The following UBE2D2 variants were observed in gnomAD, a reference collection of about 807,000 sequenced individuals.
UBE2D2 encodes ubiquitin conjugating enzyme E2 D2.
In UBE2D2, 2 loss-of-function variants were observed where a neutral mutation model predicts 24.2. That is an observed-to-expected ratio of 0.08 (90% CI 0.03 to 0.26). The LOEUF (loss-of-function observed/expected upper bound fraction) is 0.26. UBE2D2 is among the 10% of genes least tolerant of loss of function. UBE2D2 has a pLI of 1.00. For synonymous variants in UBE2D2, 58 were observed against 56.5 expected (o/e 1.03, Z -0.12); for missense variants, 44 against 177.6 (o/e 0.25, Z 4.28).
chr5:139,562,122 T>C (rs1004139840), intron 1 of UBE2D2: 2 of 1,110,018 alleles, frequency 1.8e-6, no homozygotes, highest in Non-Finnish European at 2.5e-6. Context: ...TGAGGGCCAT[T>C]GTCGGGCCAG....
intron 1 of UBE2D2, among the ~76,000 whole-genome samples, chr5:139,573,012 C>A (rs143060837): frequency 6.6e-5 from 10 of 151,972 alleles, no homozygotes; most frequent in Middle Eastern, 3.4e-3. Flanking sequence ...TAAGAATTAT[C>A]AAGATGAGGC....
chr5:139,604,764 C>G (rs1037349176), intron 2 of UBE2D2, among the ~76,000 whole-genome samples: 3 of 151,982 alleles, frequency 2.0e-5, no homozygotes, highest in African/African-American at 7.3e-5. Flanking sequence ...GCTGTAGTCC[C>G]ACCTACTCAC....
intron 1 of UBE2D2, 43 bp downstream of exon 1, chr5:139,561,858 G>C: frequency 6.9e-7 from 1 of 1,458,682 alleles, no homozygotes; most frequent in Non-Finnish European, 9.0e-7. Flanking sequence ...CAGCTGAGCA[G>C]GCTGCGGCCT....
intron 1 of UBE2D2, among the ~76,000 whole-genome samples, chr5:139,573,112 T>G (rs976485709): frequency 4.0e-5 from 6 of 151,866 alleles, no homozygotes; most frequent in African/African-American, 1.2e-4. Context: ...CCATCCTGGC[T>G]AACATGGTGA....
chr5:139,550,031 CCT>C (rs1388190200), intron 1 of UBE2D2, among the ~76,000 whole-genome samples: 1 of 149,544 alleles, frequency 6.7e-6, no homozygotes, highest in Non-Finnish European at 1.5e-5. Flanking sequence ...TAATCAGCAC[CCT>C]GTGTCTAGCT....
chr5:139,556,769 T>G (rs914843177), upstream of UBE2D2, among the ~76,000 whole-genome samples: 23 of 151,462 alleles, frequency 1.5e-4, no homozygotes, highest in Non-Finnish European at 3.2e-4. Flanking sequence ...AATGAACAAA[T>G]TCCTTGAAAA....
At chr5:139,570,170 G>C (rs1421597826) in intron 1 of UBE2D2, among the ~76,000 whole-genome samples, 3 of 152,150 alleles carry the variant, frequency 2.0e-5, no homozygotes, top group Non-Finnish European at 2.9e-5. Flanking sequence ...AGGAGGCTGA[G>C]ACAGGAGGAT....
intron 1 of UBE2D2, among the ~76,000 whole-genome samples, chr5:139,552,202 G>A (rs1487028096): frequency 1.4e-5 from 2 of 138,028 alleles, no homozygotes; most frequent in African/African-American, 5.5e-5. Flanking sequence ...TCACTCTGTT[G>A]CCCAGACTGG....
intron 1 of UBE2D2, among the ~76,000 whole-genome samples, chr5:139,594,490 T>C (rs1053752371): frequency 6.6e-6 from 1 of 152,120 alleles, no homozygotes; most frequent in Non-Finnish European, 1.5e-5. Context: ...CTCTGCTCAC[T>C]GTGGCCTCTG....
Position 139,561,707 on chromosome 5 carries a change from G to C in UBE2D2, c.-85G>C. Reference sequence around the variant, plus strand: ...TTCTCCTGCCGACCGAGATCGCCGAGGCGGCCTCAGGCTCCCTAGCCCCTT... The same window carrying C: ...TTCTCCTGCCGACCGAGATCGCCGACGCGGCCTCAGGCTCCCTAGCCCCTT... On this transcript the variant is annotated 5_prime_UTR_variant, in exon 1 of 7. Transcript: ENST00000398733. 9.0e-7 allele frequency: 1 copy of C among 1,107,032 alleles called. No homozygotes were observed. The highest frequency in any genetic ancestry group is 1.7e-5 in the South Asian group (1 of 60,264). The allele number at this position is 1,107,032 out of a possible 1,614,324, so 68.6% of individuals were successfully genotyped here. A position where few individuals can be genotyped will look rare whatever the true frequency, so the allele number is the denominator to read the frequency against.
At chr5:139,537,184 C>CAA (rs60623030) in intron 1 of UBE2D2, among the ~76,000 whole-genome samples, 4 of 75,210 alleles carry the variant, frequency 5.3e-5, no homozygotes, top group Admixed American at 3.0e-4. Flanking sequence ...CTCTGTCTCA[C>CAA]AAAAAAAAAA....
At chr5:139,624,002 T>C (rs1253821814) in intron 6 of UBE2D2, among the ~76,000 whole-genome samples, 1 of 152,282 alleles carries the variant, frequency 6.6e-6, no homozygotes, top group East Asian at 1.9e-4. Flanking sequence ...AAAACTTTCC[T>C]ATGGTATATT....
At chr5:139,573,313 GAAA>G (rs1230016528) in intron 1 of UBE2D2, among the ~76,000 whole-genome samples, 1 of 132,108 alleles carries the variant, frequency 7.6e-6, no homozygotes, top group Non-Finnish European at 1.7e-5. Context: ...AAAAAAAAAA[GAAA>G]AAAAAAAAAG....
upstream of UBE2D2, among the ~76,000 whole-genome samples, chr5:139,559,954 C>T (rs952039246): frequency 1.3e-5 from 2 of 151,828 alleles, no homozygotes; most frequent in African/African-American, 2.4e-5. Context: ...TTTTTGTCTC[C>T]ATCTCCTAAA....
intron 1 of UBE2D2, among the ~76,000 whole-genome samples, chr5:139,585,054 C>A (rs1753699258): frequency 6.6e-6 from 1 of 151,640 alleles, no homozygotes; most frequent in South Asian, 2.1e-4. Context: ...GCATGCACCA[C>A]CACGCCCAGC....
chr5:139,614,016 T>G (rs531033526), intron 2 of UBE2D2, among the ~76,000 whole-genome samples: 14 of 150,766 alleles, frequency 9.3e-5, no homozygotes, highest in African/African-American at 2.9e-4. Flanking sequence ...GAGCCGAAAT[T>G]GCGCCAGCGC....
chr5:139,549,662 C>T (rs1040570959), intron 1 of UBE2D2, among the ~76,000 whole-genome samples: 3 of 152,350 alleles, frequency 2.0e-5, no homozygotes, highest in Admixed American at 1.3e-4. Context: ...GGAGACTCCC[C>T]GACGGGGCGC....
intron 1 of UBE2D2, among the ~76,000 whole-genome samples, chr5:139,598,309 T>C (rs926716881): frequency 6.6e-6 from 1 of 152,332 alleles, no homozygotes; most frequent in South Asian, 2.1e-4. Context: ...TAGACTTTAC[T>C]GTTTTTACTC....
chr5:139,530,840 AG>A (rs749040039), intron 1 of UBE2D2, among the ~76,000 whole-genome samples: 1 of 152,224 alleles, frequency 6.6e-6, no homozygotes, highest in Non-Finnish European at 1.5e-5. Flanking sequence ...TCCCAGCAAT[AG>A]GAAAATTTAA....
Sources: gnomAD v4.1 joint callset for allele counts (sites outside exome capture counted in the v4.1 genomes callset) on GRCh38, gnomAD v4.1.1 for gene constraint, MANE v1.5 for transcripts, NCBI Gene and HGNC (gene_info 2026-07-23, HGNC 2026-07-21) for gene names.